The following COL14A1 variants were observed in gnomAD, a reference collection of about 807,000 sequenced individuals.
COL14A1 encodes collagen type XIV alpha 1 chain.
Under a neutral mutation model 230.3 loss-of-function variants are expected in COL14A1, and 136 were observed. That is an observed-to-expected ratio of 0.59 (90% CI 0.51 to 0.68). The LOEUF (loss-of-function observed/expected upper bound fraction) is 0.68, where lower values mean the gene tolerates loss of function less well. Ranked by LOEUF, COL14A1 falls within the 30% of genes least tolerant of loss-of-function variation. The pLI is 0.00. For synonymous variants in COL14A1, 792 were observed against 784.1 expected, an observed-to-expected ratio of 1.01 and a Z score of -0.17; for missense variants, 1,976 against 2,215.8, an observed-to-expected ratio of 0.89 and a Z score of 2.17.
At chr8:120,299,860 A>T (rs1321583503) in intron 35 of COL14A1, among the ~76,000 whole-genome samples, 1 of 152,130 alleles carries the variant, frequency 6.6e-6, no homozygotes, top group Non-Finnish European at 1.5e-5. Flanking sequence ...TTTAACTGTC[A>T]TCTGTGCTCT....
chr8:120,228,845 T>C (rs1818172124), intron 18 of COL14A1, 76 bp downstream of exon 18: 1 of 1,262,784 alleles, frequency 7.9e-7, no homozygotes, highest in Admixed American at 1.8e-5. Context: ...CTGGTTTTAT[T>C]TATTATTAAC....
At chr8:120,207,840 CAA>C (rs35971998) in intron 10 of COL14A1, among the ~76,000 whole-genome samples, 95 of 116,746 alleles carry the variant, frequency 8.1e-4, no homozygotes, top group Admixed American at 1.2e-3. Context: ...TCATTTGGAC[CAA>C]AAAAAAAAAA....
rs751008554 is a variant in COL14A1, at chr8:120,212,520, G to A, written c.1540G>A (p.Val514Ile). ...GCCCAATACAGAATACACAGTCACA[G>A]TTTATGCCATGTTTGGAGAAGAGGC... Reference protein sequence around the residue: ...LLPNTEYTVTVYAMFGEEASD... With the variant: ...LLPNTEYTVTIYAMFGEEASD... The change falls in exon 13 of 48, where the codon GTT becomes ATT. Residue 514 changes from valine (V) to isoleucine (I), a missense_variant. By Grantham distance (29) the Val-to-Ile change is conservative. Transcript: ENST00000297848. 1 of 1,613,572 alleles carries A rather than the reference G, an allele frequency of 6.2e-7. No individual in the cohort carries two copies. Among genetic ancestry groups the A allele is most frequent in the African/African-American group, 1.3e-5 (1 of 74,886 alleles).
At chr8:120,313,094 T>C (rs2130100032) in intron 37 of COL14A1, among the ~76,000 whole-genome samples, 1 of 152,308 alleles carries the variant, frequency 6.6e-6, no homozygotes, top group Admixed American at 6.5e-5. Context: ...GAGTGGTGGC[T>C]CACGCCTGTA....
intron 1 of COL14A1, among the ~76,000 whole-genome samples, chr8:120,137,681 A>G (rs1814759023): frequency 6.6e-6 from 1 of 152,070 alleles, no homozygotes; most frequent in African/African-American, 2.4e-5. Context: ...ACATTTAAAA[A>G]TTTCCGTTGT....
chr8:120,140,063 T>A (rs1814849407), intron 1 of COL14A1, among the ~76,000 whole-genome samples: 1 of 152,024 alleles, frequency 6.6e-6, no homozygotes, highest in Non-Finnish European at 1.5e-5. Flanking sequence ...AATAAATTAA[T>A]GAATTAAAAA....
chr8:120,162,977 T>C (rs925040876), intron 4 of COL14A1, among the ~76,000 whole-genome samples: 2 of 152,202 alleles, frequency 1.3e-5, no homozygotes, highest in Non-Finnish European at 2.9e-5. Context: ...TGATTTTTAT[T>C]TCTCATTGTA....
At chr8:120,361,062 AT>A (rs141898281) in intron 45 of COL14A1, among the ~76,000 whole-genome samples, 9 of 147,068 alleles carry the variant, frequency 6.1e-5, no homozygotes, top group South Asian at 2.2e-4. Flanking sequence ...CTCCAGTCAC[AT>A]TTTTTTTTTC....
intron 1 of COL14A1, among the ~76,000 whole-genome samples, chr8:120,144,779 T>C (rs1815031792): frequency 6.6e-6 from 1 of 152,126 alleles, no homozygotes; most frequent in Non-Finnish European, 1.5e-5. Flanking sequence ...AATCAATATC[T>C]TTTCTATATT....
intron 14 of COL14A1, among the ~76,000 whole-genome samples, chr8:120,222,348 C>T (rs963544900): frequency 6.6e-6 from 1 of 152,186 alleles, no homozygotes; most frequent in African/African-American, 2.4e-5. Flanking sequence ...GTGTAACCAA[C>T]ACTACAGCTT....
intron 45 of COL14A1, among the ~76,000 whole-genome samples, chr8:120,354,871 C>T (rs1320384564): frequency 1.3e-5 from 2 of 152,168 alleles, no homozygotes; most frequent in African/African-American, 4.8e-5. Context: ...GATTTCTCAC[C>T]TGCTTTTCCT....
chr8:120,174,438 C>G (rs192062582), intron 5 of COL14A1, among the ~76,000 whole-genome samples: 6 of 152,216 alleles, frequency 3.9e-5, no homozygotes, highest in Admixed American at 6.5e-5. Flanking sequence ...TTTCCAAAAC[C>G]TAGGATTGAG....
chr8:120,148,081 G>T, intron 2 of COL14A1, 151 bp downstream of exon 2: 1 of 571,026 alleles, frequency 1.8e-6, no homozygotes, highest in Non-Finnish European at 3.0e-6. Flanking sequence ...TCTTTGATGA[G>T]GATTACAACC....
chr8:120,159,437 T>TA, intron 3 of COL14A1, among the ~76,000 whole-genome samples: 1 of 152,188 alleles, frequency 6.6e-6, no homozygotes, highest in Non-Finnish European at 1.5e-5. Flanking sequence ...ATAATACATA[T>TA]TTGTATAATA....
intron 5 of COL14A1, among the ~76,000 whole-genome samples, chr8:120,189,452 CT>C (rs1010801557): frequency 3.1e-4 from 47 of 150,446 alleles, no homozygotes; most frequent in African/African-American, 7.5e-4. Context: ...TCCTATGAGT[CT>C]TTTTTTTTAA....
Position 120,278,462 on chromosome 8 carries a change from C to A in COL14A1, c.3365C>A (p.Thr1122Asn), listed in dbSNP as rs1318827990. ...AAAGCAATTAAGTATGTTCGAGATA[C>A]CTTGTTCACTGCAGAGTCAGGTACA... Reference protein sequence around the residue: ...TGKAIKYVRDTLFTAESGTRR... With the variant: ...TGKAIKYVRDNLFTAESGTRR... The change falls in exon 28 of 48, where the codon ACC becomes AAC. Residue 1122 changes from threonine (T) to asparagine (N), a missense_variant. By Grantham distance (65) the Thr-to-Asn change is moderately conservative. Around this residue, in one of 3 missense-constraint regions of COL14A1, gnomAD observed 1,791 missense variants for 2,019.5 expected, o/e 0.89. Transcript: ENST00000297848. The A allele has an allele frequency of 1.9e-6, 3 of 1,612,658 alleles. No individual in the cohort carries two copies. The highest frequency in any genetic ancestry group is 2.5e-6 in the Non-Finnish European group (3 of 1,179,382).
At chr8:120,361,508 ACTAGGTG>A (rs139459088) in intron 45 of COL14A1, among the ~76,000 whole-genome samples, 1,559 of 152,354 alleles carry the variant, frequency 0.01, 31 homozygotes, top group African/African-American at 0.036. Context: ...CCTTCTTGTA[ACTAGGTG>A]CTAGGTCCAG....
intron 1 of COL14A1, among the ~76,000 whole-genome samples, chr8:120,135,296 CT>C (rs1814673227): frequency 6.6e-6 from 1 of 152,068 alleles, no homozygotes; most frequent in Non-Finnish European, 1.5e-5. Flanking sequence ...CAGTGTCTCC[CT>C]CTGTTGTCCA....
At chr8:120,293,275 C>G (rs908893776) in intron 34 of COL14A1, among the ~76,000 whole-genome samples, 1 of 151,924 alleles carries the variant, frequency 6.6e-6, no homozygotes, top group African/African-American at 2.4e-5. Flanking sequence ...ATTTTAGCCA[C>G]TGAGTTACAG....
Sources: gnomAD v4.1 joint callset for allele counts (sites outside exome capture counted in the v4.1 genomes callset) on GRCh38, gnomAD v4.1.1 for gene constraint, gnomAD v4.1.1 regional missense constraint, MANE v1.5 for transcripts, NCBI Gene and HGNC (gene_info 2026-07-23, HGNC 2026-07-21) for gene names.